The following GREM2 variants were observed in gnomAD, a reference collection of about 807,000 sequenced individuals.
GREM2 encodes the protein gremlin-2.
Under a neutral mutation model 14.2 loss-of-function variants are expected in GREM2, and 11 were observed. The observed-to-expected ratio is 0.78, with a 90% CI of 0.49 to 1.28. The LOEUF is 1.28. Among genes scored for constraint, GREM2 ranks in the 50% most tolerant of loss-of-function variants. The pLI is 0.00. For synonymous variants in GREM2, 98 were observed against 97.6 expected (o/e 1.00, Z -0.02); for missense variants, 210 against 218.5 (o/e 0.96, Z 0.24).
chr1:240,550,113 C>T (rs541227518), intron 1 of GREM2: 2 of 152,338 alleles, frequency 1.3e-5, no homozygotes, highest in South Asian at 4.1e-4. Flanking sequence ...TCTCCCGCCT[C>T]CCGGGTTCAA....
intron 1 of GREM2, among the ~76,000 whole-genome samples, chr1:240,559,464 C>G (rs370760369): frequency 2.0e-5 from 3 of 151,820 alleles, no homozygotes; most frequent in Admixed American, 1.3e-4. Context: ...CTGCCTCAGC[C>G]TCCCAAGTAG....
intron 1 of GREM2, among the ~76,000 whole-genome samples, chr1:240,596,411 G>A (rs1679818494): frequency 2.0e-5 from 3 of 152,094 alleles, no homozygotes; most frequent in Non-Finnish European, 4.4e-5. Flanking sequence ...AAAACAAGGT[G>A]GCTTGCCGGG....
rs1226322909 is a variant in GREM2 at position 240,583,254 on chromosome 1, G to A, written c.-2+28630C>T. 5.3e-5 allele frequency among the ~76,000 whole-genome samples: 8 copies of A among 151,456 alleles called. No individual in the cohort carries two copies. The South Asian group carries it at 8.3e-4, about 16-fold the overall frequency. On this transcript the variant is annotated intron_variant, in intron 1 of 1. Transcript: ENST00000318160. Reference sequence around the variant, plus strand: ...GCATATATATGTTAATCTCATGGAGGAAAAAAAAGGGCAAAAAAATGCTCA... The same window carrying A: ...GCATATATATGTTAATCTCATGGAGAAAAAAAAAGGGCAAAAAAATGCTCA...
chr1:240,530,716 C>G (rs1678337034), intron 1 of GREM2: 1 of 152,150 alleles, frequency 6.6e-6, no homozygotes, highest in Admixed American at 6.5e-5. Context: ...CAATGATAAA[C>G]CACCAAAAAG....
chr1:240,528,725 AGTTGCAG>A (rs997378058), intron 1 of GREM2, among the ~76,000 whole-genome samples: 2 of 152,130 alleles, frequency 1.3e-5, no homozygotes, highest in Non-Finnish European at 2.9e-5. Context: ...CTGGCTTCTC[AGTTGCAG>A]CCGTACCAAG....
At chr1:240,586,890 G>A (rs1479741650) in intron 1 of GREM2, among the ~76,000 whole-genome samples, 1 of 152,148 alleles carries the variant, frequency 6.6e-6, no homozygotes, top group Non-Finnish European at 1.5e-5. Context: ...TACTGAAAGT[G>A]AATTAAACTG....
intron 1 of GREM2, among the ~76,000 whole-genome samples, chr1:240,510,369 C>CAAAAAAAAAAAAAAAAAA (rs71170753): frequency 1.7e-5 from 1 of 59,540 alleles, no homozygotes; most frequent in African/African-American, 6.2e-5. Flanking sequence ...GACTCCGTCG[C>CAAAAAAAAAAAAAAAAAA]AAAAAAAAAA....
At chr1:240,516,127 C>CTTTT (rs34728833) in intron 1 of GREM2, among the ~76,000 whole-genome samples, 1 of 143,508 alleles carries the variant, frequency 7.0e-6, no homozygotes, top group African/African-American at 2.6e-5. Context: ...CCAACCCTGA[C>CTTTT]TTTTTTTTTT....
intron 1 of GREM2, among the ~76,000 whole-genome samples, chr1:240,549,416 T>A (rs1678801607): frequency 6.6e-6 from 1 of 151,318 alleles, no homozygotes; most frequent in Non-Finnish European, 1.5e-5. Context: ...ATACATCAAC[T>A]AATTGGTTAA....
intron 1 of GREM2, among the ~76,000 whole-genome samples, chr1:240,571,141 A>G (rs1401701047): frequency 6.6e-6 from 1 of 152,336 alleles, no homozygotes; most frequent in South Asian, 2.1e-4. Context: ...TTCATGTAAA[A>G]AAACTTCCAA....
intron 1 of GREM2, among the ~76,000 whole-genome samples, chr1:240,513,591 A>G (rs1214043533): frequency 6.9e-4 from 103 of 149,118 alleles, no homozygotes; most frequent in Admixed American, 3.6e-3. Flanking sequence ...AAAAAAAAAA[A>G]AAGAAGAAGA....
At chr1:240,501,906 T>C (rs1394883330) in intron 1 of GREM2, among the ~76,000 whole-genome samples, 3 of 152,188 alleles carry the variant, frequency 2.0e-5, no homozygotes, top group Middle Eastern at 6.8e-3. Flanking sequence ...AAGGAAGAAA[T>C]CAGAAGCTAT....
At chr1:240,508,257 A>G (rs577602295) in intron 1 of GREM2, among the ~76,000 whole-genome samples, 2 of 152,348 alleles carry the variant, frequency 1.3e-5, no homozygotes, top group African/African-American at 4.8e-5. Flanking sequence ...TGAATGAAAG[A>G]ACACACATCT....
intron 1 of GREM2, among the ~76,000 whole-genome samples, chr1:240,502,330 A>G (rs988234721): frequency 6.6e-6 from 1 of 152,182 alleles, no homozygotes; most frequent in African/African-American, 2.4e-5. Context: ...TGATGAAACT[A>G]TCACTGTAAC....
At chr1:240,577,722 T>G (rs1446064473) in intron 1 of GREM2, among the ~76,000 whole-genome samples, 1 of 152,226 alleles carries the variant, frequency 6.6e-6, no homozygotes, top group Non-Finnish European at 1.5e-5. Context: ...AATTGCCTAG[T>G]TTACAGTATT....
At chr1:240,578,954 A>G (rs1679426708) in intron 1 of GREM2, among the ~76,000 whole-genome samples, 1 of 152,122 alleles carries the variant, frequency 6.6e-6, no homozygotes, top group African/African-American at 2.4e-5. Flanking sequence ...CCTTATGAGA[A>G]AGATTGGGAT....
At chr1:240,499,661 G>C (rs912057195) in intron 1 of GREM2, among the ~76,000 whole-genome samples, 4 of 152,158 alleles carry the variant, frequency 2.6e-5, no homozygotes, top group Non-Finnish European at 4.4e-5. Context: ...CTTGGCCCTG[G>C]GATCAGGGAT....
intron 1 of GREM2, among the ~76,000 whole-genome samples, chr1:240,611,326 A>G (rs922838238): frequency 3.9e-5 from 6 of 152,220 alleles, no homozygotes; most frequent in Non-Finnish European, 7.3e-5. Flanking sequence ...TTAAAAAATA[A>G]CTACCTCCCT....
chr1:240,509,448 A>G lies in GREM2; in HGVS notation c.-1-15972T>C, dbSNP rs920957438. Reference sequence around the variant, plus strand: ...CAATGGCACGATCTTGGCTCACTGCAACCTCTGCCTCCTGGGTTCAAGCGA... The same window carrying G: ...CAATGGCACGATCTTGGCTCACTGCGACCTCTGCCTCCTGGGTTCAAGCGA... On this transcript the variant is annotated intron_variant, in intron 1 of 1. Coordinates refer to ENST00000318160, the MANE Select transcript of GREM2 (RefSeq NM_022469.4). Among the ~76,000 whole-genome samples, 4 of 147,754 alleles carry G rather than the reference A, an allele frequency of 2.7e-5. No homozygotes were observed. In the Admixed American group the frequency reaches 2.8e-4, roughly 10 times the overall value.
Sources: allele counts gnomAD v4.1 joint callset (sites outside exome capture counted in the v4.1 genomes callset), GRCh38; gene constraint gnomAD v4.1.1; transcripts MANE v1.5; gene names NCBI Gene and HGNC (gene_info 2026-07-23, HGNC 2026-07-21).